The following COLEC12 variants were observed in gnomAD, a reference collection of about 807,000 sequenced individuals.
COLEC12 encodes collectin-12.
Under a neutral mutation model 71.1 loss-of-function variants are expected in COLEC12, and 33 were observed. The observed-to-expected ratio is 0.46, with a 90% confidence interval of 0.35 to 0.62. The LOEUF is 0.62. COLEC12 is among the 20% of genes least tolerant of loss of function. The pLI, the probability that COLEC12 is intolerant of heterozygous loss-of-function variation, is 0.00. For synonymous variants in COLEC12, 350 were observed against 353.0 expected, an observed-to-expected ratio of 0.99 and a Z score of 0.10; for missense variants, 765 against 916.1, an observed-to-expected ratio of 0.84 and a Z score of 2.13.
chr18:378,690 G>A (rs948657990), intron 2 of COLEC12, among the ~76,000 whole-genome samples: 1 of 152,236 alleles, frequency 6.6e-6, no homozygotes, highest in Non-Finnish European at 1.5e-5. Context: ...GTCTCCATCA[G>A]TGCCAAAGGG....
intron 2 of COLEC12, among the ~76,000 whole-genome samples, chr18:431,279 A>G (rs1182497571): frequency 6.6e-6 from 1 of 152,090 alleles, no homozygotes; most frequent in Non-Finnish European, 1.5e-5. Context: ...CTGGGATTAC[A>G]AGTGTGAGCT....
At position 373,415 on chromosome 18, in the gene COLEC12, A is replaced by G. The variant is rs898545639; in HGVS notation, c.59-15893T>C. Among the ~76,000 whole-genome samples the G allele has an allele frequency of 2.6e-5, 4 of 152,194 alleles. 1 individual carries two copies. Among genetic ancestry groups the G allele is most frequent in the Admixed American group, 2.6e-4 (4 of 15,278 alleles). On this transcript the variant is annotated intron_variant, in intron 2 of 9. Transcript: ENST00000400256. The stretch of plus-strand genomic sequence containing the variant: ...GAAAAAGGGCCATGTGGACACATGG[A>G]AACGGATTCGGGCAGGACCAGAACT...
intron 2 of COLEC12, among the ~76,000 whole-genome samples, chr18:398,836 T>A (rs1915622429): frequency 6.6e-6 from 1 of 152,204 alleles, no homozygotes; most frequent in Non-Finnish European, 1.5e-5. Context: ...GGAGGGGAAA[T>A]GTGAGCTGAC....
At position 334,853 on chromosome 18, in the gene COLEC12, C is replaced by T; in HGVS notation, c.1705G>A (p.Gly569Arg). The change falls in exon 6 of 10, where the codon GGG becomes AGG. Residue 569 changes from glycine (G) to arginine (R), a missense_variant. Gly to Arg is a moderately radical substitution (Grantham distance 125). Transcript: ENST00000400256. ...TTGGGGCCTGGCATGCCTGGTACCC[C>T]AGGCAAGCCTGGCAGTCCCCGAGGT... is the stretch of plus-strand genomic sequence containing the variant. ...PGPRGLPGLPGVPGMPGPKGP... is the reference protein window; with the variant it reads ...PGPRGLPGLPRVPGMPGPKGP... 1 of 1,526,072 alleles carries T rather than the reference C, an allele frequency of 6.6e-7. No homozygotes were observed. Among genetic ancestry groups the T allele is most frequent in the Non-Finnish European group, 8.7e-7 (1 of 1,146,482 alleles). The allele number at this position is 1,526,072 out of a possible 1,614,324, so 94.5% of individuals were successfully genotyped here. A position where few individuals can be genotyped will look rare whatever the true frequency, so the allele number is the denominator to read the frequency against.
At position 500,203 on chromosome 18, in the gene COLEC12, A is replaced by G. The variant is rs1323949563; in HGVS notation, c.7+305T>C. Among the ~76,000 whole-genome samples, 1 of 152,214 alleles carries G rather than the reference A, an allele frequency of 6.6e-6. No individual in the cohort carries two copies. The highest frequency in any genetic ancestry group is 2.4e-5 in the African/African-American group (1 of 41,458). ...CCACTCTCCTCGGCAGGTTTTTTCA[A>G]TTAAAAAGTTGGAAACGGGAATCCG... On this transcript the variant is annotated intron_variant, in intron 1 of 9. Coordinates refer to ENST00000400256, the MANE Select transcript of COLEC12 (RefSeq NM_130386.3). This position sits in a 1 kb window ranked among gnomAD's most constrained non-coding sequence, Gnocchi z 5.3.
At position 357,524 on chromosome 18, in the gene COLEC12, T is replaced by C; in HGVS notation, c.59-2A>G. On this transcript the variant is annotated splice_acceptor_variant, in intron 2 of 9. Coordinates refer to ENST00000400256, the MANE Select transcript of COLEC12 (RefSeq NM_130386.3). LOFTEE classifies it high-confidence loss of function. ...TACATTGTGTTCCTTCCTGAATACC[T>C]GTAAGAGAAGTCAAATTTTAATAAC... The C allele has an allele frequency of 6.6e-7, 1 of 1,521,790 alleles. No individual in the cohort carries two copies. The highest frequency in any genetic ancestry group is 8.8e-7 in the Non-Finnish European group (1 of 1,132,498). The allele number at this position is 1,521,790 out of a possible 1,614,324, so 94.3% of individuals were successfully genotyped here. A position where few individuals can be genotyped will look rare whatever the true frequency, so the allele number is the denominator to read the frequency against.
intron 2 of COLEC12, among the ~76,000 whole-genome samples, chr18:419,768 C>T (rs1465772483): frequency 6.6e-6 from 1 of 152,186 alleles, no homozygotes; most frequent in East Asian, 1.9e-4. Flanking sequence ...CTATTCCCCT[C>T]ATTAAGAGGT....
In COLEC12 at chr18:377,904, G is replaced by C. The variant is rs112775069; in HGVS notation, c.59-20382C>G. On this transcript the variant is annotated intron_variant, in intron 2 of 9. Transcript: ENST00000400256. The stretch of plus-strand genomic sequence containing the variant: ...GCTGGGGGAAATAGGGTGGCGGGGC[G>C]GGTTGGGGCTTTAACTCCTTCCCCA... Among the ~76,000 whole-genome samples the C allele has an allele frequency of 9.7e-3, 1,468 of 152,008 alleles. 25 individuals are homozygous for C. Among genetic ancestry groups the C allele is most frequent in the African/African-American group, 0.032 (1,306 of 41,426 alleles).
chr18:432,046 A>G (rs1182586751), intron 2 of COLEC12, among the ~76,000 whole-genome samples: 6 of 152,308 alleles, frequency 3.9e-5, no homozygotes, highest in African/African-American at 1.4e-4. Flanking sequence ...TGAATAGAAC[A>G]TGGAAAGATC....
At chr18:477,141 G>A (rs1917321232) in intron 2 of COLEC12, among the ~76,000 whole-genome samples, 1 of 152,112 alleles carries the variant, frequency 6.6e-6, no homozygotes. Context: ...GTAAACAAGG[G>A]GTGACTGCAC....
At chr18:442,536 C>A (rs1333701023) in intron 2 of COLEC12, among the ~76,000 whole-genome samples, 1 of 152,244 alleles carries the variant, frequency 6.6e-6, no homozygotes, top group Non-Finnish European at 1.5e-5. Flanking sequence ...CATACTGCTG[C>A]TTCTATGTGA....
chr18:347,023 T>A lies in COLEC12; in HGVS notation c.599A>T (p.Asn200Ile), dbSNP rs772611064. 1.2e-6 allele frequency: 2 copies of A among 1,614,200 alleles called. No individual in the cohort carries two copies. The highest frequency in any genetic ancestry group is 1.7e-5 in the Admixed American group (1 of 60,028). Residue 200 changes from asparagine (N) to isoleucine (I), a missense_variant, in exon 5 of 10, where the codon AAT (asparagine) becomes ATT (isoleucine). Coordinates refer to ENST00000400256, the MANE Select transcript of COLEC12 (RefSeq NM_130386.3). ...GTTGTTGAGGTTCATGATGACCACA[T>A]TATGAGAATACATTTGGTTCTGCAG... ...GNLQNQMYSH[N>I]VVIMNLNNLN... is the part of the protein sequence containing the mutation.
chr18:483,631 C>A (rs545296100), intron 1 of COLEC12, among the ~76,000 whole-genome samples: 1 of 152,138 alleles, frequency 6.6e-6, no homozygotes, highest in African/African-American at 2.4e-5. Context: ...AAGAGAACAG[C>A]ATCTTTTTCT....
chr18:432,724 T>A (rs1181368231), intron 2 of COLEC12, among the ~76,000 whole-genome samples: 1 of 25,992 alleles, frequency 3.8e-5, no homozygotes, highest in African/African-American at 6.5e-5. Flanking sequence ...CCCATCCACA[T>A]CTGATATACT....
At chr18:476,188 C>T (rs1003553258) in intron 2 of COLEC12, among the ~76,000 whole-genome samples, 2 of 152,160 alleles carry the variant, frequency 1.3e-5, no homozygotes, top group African/African-American at 4.8e-5. Context: ...TTTCAGCAAT[C>T]CCCTTAGAAC....
chr18:347,603 A>T (rs1914414336), intron 4 of COLEC12, among the ~76,000 whole-genome samples: 1 of 152,176 alleles, frequency 6.6e-6, no homozygotes, highest in Admixed American at 6.5e-5. Context: ...ACTAGATTTT[A>T]GGGCAGTGGG....
At chr18:357,299 TATGA>T in intron 3 of COLEC12, 97 bp downstream of exon 3, 1 of 1,130,744 alleles carries the variant, frequency 8.8e-7, no homozygotes, top group Non-Finnish European at 1.3e-6. Context: ...ATCTGAGTTG[TATGA>T]ATGAAATACT....
intron 2 of COLEC12, among the ~76,000 whole-genome samples, chr18:391,938 C>A (rs1457861077): frequency 1.3e-5 from 2 of 152,190 alleles, no homozygotes; most frequent in African/African-American, 4.8e-5. Flanking sequence ...TGAAAATAAT[C>A]TCGCATTCTG....
At chr18:452,502 C>G (rs1290957411) in intron 2 of COLEC12, among the ~76,000 whole-genome samples, 3 of 152,110 alleles carry the variant, frequency 2.0e-5, no homozygotes, top group Admixed American at 1.3e-4. Flanking sequence ...TTCTAGGAAC[C>G]CCCTCTTCAG....
Sources: gnomAD v4.1 joint callset for allele counts (sites outside exome capture counted in the v4.1 genomes callset) on GRCh38, gnomAD v4.1.1 for gene constraint, Gnocchi (gnomAD v3.1) non-coding constraint, MANE v1.5 for transcripts, NCBI Gene and HGNC (gene_info 2026-07-23, HGNC 2026-07-21) for gene names.